NRXN1: variants seen among roughly 807,000 people sequenced by gnomAD.
The protein encoded by NRXN1 is neurexin 1.
A neutral mutation model predicts 150.9 loss-of-function variants in NRXN1; 39 were observed. The ratio of observed to expected loss-of-function variants is 0.26; its 90% CI spans 0.20 to 0.34. NRXN1 has a LOEUF of 0.34. Ranked by LOEUF, NRXN1 falls within the 10% of genes least tolerant of loss-of-function variation. The pLI is 1.00. For synonymous variants in NRXN1, 924 were observed against 757.0 expected, an observed-to-expected ratio of 1.22 and a Z score of -3.62; for missense variants, 1,815 against 1,949.9, an observed-to-expected ratio of 0.93 and a Z score of 1.30.
At chr2:50,972,076 T>A (rs1020003259) in intron 2 of NRXN1, among the ~76,000 whole-genome samples, 1 of 116,306 alleles carries the variant, frequency 8.6e-6, no homozygotes, top group African/African-American at 3.3e-5. Context: ...TCTGATAATT[T>A]ATTTTATTCA....
intron 17 of NRXN1, among the ~76,000 whole-genome samples, chr2:50,282,418 T>C (rs2071579975): frequency 1.3e-5 from 2 of 152,188 alleles, no homozygotes; most frequent in African/African-American, 2.4e-5. Flanking sequence ...TCCACTTAAA[T>C]ACAAATCTTT....
At chr2:50,336,250 A>G (rs1169969733) in intron 17 of NRXN1, among the ~76,000 whole-genome samples, 1 of 152,202 alleles carries the variant, frequency 6.6e-6, no homozygotes, top group Non-Finnish European at 1.5e-5. Flanking sequence ...TTTAAGAACA[A>G]TGTAGTTAAG....
chr2:50,617,745 T>C (rs1405377296), intron 8 of NRXN1, among the ~76,000 whole-genome samples: 2 of 152,288 alleles, frequency 1.3e-5, no homozygotes, highest in East Asian at 3.9e-4. Context: ...ACTTATTTTT[T>C]GGTATTGTGG....
chr2:50,461,965 G>C (rs2088272794), intron 17 of NRXN1, among the ~76,000 whole-genome samples: 1 of 151,888 alleles, frequency 6.6e-6, no homozygotes, highest in African/African-American at 2.4e-5. Flanking sequence ...AAGTAAATTG[G>C]CAGTAATATG....
intron 8 of NRXN1, among the ~76,000 whole-genome samples, chr2:50,608,212 A>G (rs556422734): frequency 6.6e-6 from 1 of 152,206 alleles, no homozygotes; most frequent in Admixed American, 6.5e-5. Flanking sequence ...ATTAATTGGC[A>G]GTGTTTCGTG....
At chr2:51,002,679 G>A (rs1361076848) in intron 2 of NRXN1, among the ~76,000 whole-genome samples, 1 of 151,832 alleles carries the variant, frequency 6.6e-6, no homozygotes, top group Admixed American at 6.6e-5. Context: ...CACATCATCA[G>A]AAATATTACA....
chr2:50,701,110 C>T (rs1574156768), intron 5 of NRXN1, among the ~76,000 whole-genome samples: 1 of 152,230 alleles, frequency 6.6e-6, no homozygotes, highest in East Asian at 1.9e-4. Flanking sequence ...CCTTTCCTTC[C>T]ACTGATAAAA....
At chr2:50,128,709 C>A (rs1277746565) in intron 18 of NRXN1, among the ~76,000 whole-genome samples, 1 of 151,992 alleles carries the variant, frequency 6.6e-6, no homozygotes, top group African/African-American at 2.4e-5. Context: ...ACAGGGGATG[C>A]GGTGGCTCAA....
At chr2:50,386,102 T>A (rs907229124) in intron 17 of NRXN1, among the ~76,000 whole-genome samples, 3 of 152,058 alleles carry the variant, frequency 2.0e-5, no homozygotes, top group Non-Finnish European at 4.4e-5. Flanking sequence ...CCAATTTCTG[T>A]TTAATCATGC....
At chr2:50,433,526 T>C (rs775347423) in intron 17 of NRXN1, among the ~76,000 whole-genome samples, 2 of 152,058 alleles carry the variant, frequency 1.3e-5, no homozygotes, top group Non-Finnish European at 2.9e-5. Context: ...CACATTACAG[T>C]TGTCTAACAT....
At chr2:50,040,491 G>GAATA (rs199765683) in intron 21 of NRXN1, among the ~76,000 whole-genome samples, 2,194 of 151,920 alleles carry the variant, frequency 0.014, 24 homozygotes, top group Non-Finnish European at 0.022. Flanking sequence ...TGTATAAAAG[G>GAATA]AATAAATAAA....
intron 5 of NRXN1, among the ~76,000 whole-genome samples, chr2:50,889,278 C>A (rs909743806): frequency 1.3e-4 from 19 of 151,700 alleles, no homozygotes; most frequent in Admixed American, 6.6e-5. Context: ...GAAGTGTTCT[C>A]TGAGCTCTTC....
chr2:50,174,916 T>C (rs1047355211), intron 18 of NRXN1: 5 of 152,192 alleles, frequency 3.3e-5, no homozygotes, highest in African/African-American at 7.2e-5. Flanking sequence ...ATGCTATACT[T>C]AGCTCAAGCG....
intron 5 of NRXN1, among the ~76,000 whole-genome samples, chr2:50,690,008 C>G (rs2104869053): frequency 6.6e-6 from 1 of 151,772 alleles, no homozygotes; most frequent in Admixed American, 6.6e-5. Flanking sequence ...TACCTCAGCC[C>G]TGGGAGTAGG....
At chr2:50,143,306 G>A (rs191963177) in intron 18 of NRXN1, among the ~76,000 whole-genome samples, 174 of 151,954 alleles carry the variant, frequency 1.1e-3, no homozygotes, top group African/African-American at 4.0e-3. Context: ...CTCATTAATG[G>A]GTACAGCTCG....
At chr2:50,317,144 A>C (rs1429387167) in intron 17 of NRXN1, among the ~76,000 whole-genome samples, 2 of 152,042 alleles carry the variant, frequency 1.3e-5, no homozygotes, top group Non-Finnish European at 2.9e-5. Flanking sequence ...CATGGAGGAG[A>C]TAATCAAAAG....
rs774010544 is a variant in NRXN1 at position 49,943,803 on chromosome 2, T to A, written c.4129-12A>T. 2 of 1,586,878 alleles carry A rather than the reference T, an allele frequency of 1.3e-6. No homozygotes were observed. The highest frequency in any genetic ancestry group is 1.7e-6 in the Non-Finnish European group (2 of 1,157,554). On this transcript the variant is annotated splice_polypyrimidine_tract_variant and intron_variant, in intron 21 of 22. Transcript: ENST00000401669. ...ATGTCATCTGTGGTCTGCAAAAGAA[T>A]CACATTCAGTAGATTAATTTAAAGG...
At chr2:50,755,400 C>A (rs1701049389) in intron 5 of NRXN1, among the ~76,000 whole-genome samples, 1 of 151,704 alleles carries the variant, frequency 6.6e-6, no homozygotes, top group African/African-American at 2.4e-5. Flanking sequence ...CATTATGTAT[C>A]CCATTTACCA....
intron 17 of NRXN1, among the ~76,000 whole-genome samples, chr2:50,240,294 C>A (rs2065893761): frequency 6.6e-6 from 1 of 151,644 alleles, no homozygotes; most frequent in Non-Finnish European, 1.5e-5. Flanking sequence ...AGCAGTCTTT[C>A]TTAGTTTTTC....
Sources: allele counts gnomAD v4.1 joint callset (sites outside exome capture counted in the v4.1 genomes callset), GRCh38; gene constraint gnomAD v4.1.1; transcripts MANE v1.5; gene names NCBI Gene and HGNC (gene_info 2026-07-23, HGNC 2026-07-21).